Variants in MAST4 observed in about 807,000 individuals in gnomAD.
The protein encoded by MAST4 is microtubule-associated serine/threonine-protein kinase 4.
Under a neutral mutation model 162.7 loss-of-function variants are expected in MAST4, and 89 were observed. The ratio of observed to expected loss-of-function variants is 0.55; its 90% CI spans 0.46 to 0.65. MAST4 has a LOEUF of 0.65. MAST4 is among the 30% of genes least tolerant of loss of function. The pLI is 0.00. For missense variants in MAST4, 3,153 were observed against 3,374.0 expected (o/e 0.93, Z 1.62); for synonymous variants, 1,479 against 1,361.1 (o/e 1.09, Z -1.91).
chr5:66,700,340 C>A (rs1052455352), intron 1 of MAST4, among the ~76,000 whole-genome samples: 1 of 151,428 alleles, frequency 6.6e-6, no homozygotes, highest in Non-Finnish European at 1.5e-5. Context: ...TGTTCTCGCT[C>A]TTTTTTTTTG....
At chr5:66,769,400 A>C (rs1754260476) in intron 2 of MAST4, among the ~76,000 whole-genome samples, 1 of 152,122 alleles carries the variant, frequency 6.6e-6, no homozygotes, top group South Asian at 2.1e-4. Flanking sequence ...ACTGAGTTTG[A>C]CTTAACCAGC....
In MAST4 at chr5:66,893,830, C is replaced by A. The variant is rs181488536; in HGVS notation, c.643-6121C>A. Among the ~76,000 whole-genome samples the A allele has an allele frequency of 2.3e-4, 35 of 152,204 alleles. No homozygotes were observed. In the East Asian group the frequency reaches 4.4e-3, roughly 19 times the overall value. ...TTTCAATTGTTGTTAGAATGTAGAC[C>A]ATTTTTGCCTTCTGATGATTTACAG... On this transcript the variant is annotated intron_variant, in intron 3 of 28. Transcript: ENST00000403625.
intron 1 of MAST4, among the ~76,000 whole-genome samples, chr5:66,619,928 A>G (rs78785561): frequency 0.11 from 16,334 of 151,484 alleles, 1,075 homozygotes; most frequent in Middle Eastern, 0.16. Context: ...AAATATATAT[A>G]AAATATCAGA....
intron 1 of MAST4, among the ~76,000 whole-genome samples, chr5:66,617,748 C>T (rs17268691): frequency 0.11 from 16,847 of 152,132 alleles, 1,131 homozygotes; most frequent in Middle Eastern, 0.18. Flanking sequence ...TCCACCCCTC[C>T]GCATGGTACC....
At chr5:66,690,687 T>C (rs10062987) in intron 1 of MAST4, among the ~76,000 whole-genome samples, 30,739 of 152,130 alleles carry the variant, frequency 0.2, 3,575 homozygotes, top group Admixed American at 0.31. Context: ...ACTTCTTATC[T>C]AGCACTGTTG....
At position 67,093,922 on chromosome 5, in the gene MAST4, T is replaced by A. The variant is rs557518356; in HGVS notation, c.834-1675T>A. On this transcript the variant is annotated intron_variant, in intron 6 of 28. Transcript: ENST00000403625. ...CAGGTATGGATTCTTAACTGTTTAA[T>A]AAGTAGCCAAATAAAATAATATCAA... 3.3e-5 allele frequency among the ~76,000 whole-genome samples: 5 copies of A among 152,336 alleles called. No individual in the cohort carries two copies. In the East Asian group the frequency reaches 9.6e-4, roughly 29 times the overall value.
chr5:66,666,172 A>C (rs1341023655), intron 1 of MAST4, among the ~76,000 whole-genome samples: 1 of 152,196 alleles, frequency 6.6e-6, no homozygotes, highest in Non-Finnish European at 1.5e-5. Context: ...TTAGTCTTAC[A>C]TTTGCCAAGA....
At chr5:66,886,707 AAAG>A (rs1468188348) in intron 3 of MAST4, among the ~76,000 whole-genome samples, 3 of 149,398 alleles carry the variant, frequency 2.0e-5, no homozygotes, top group East Asian at 1.9e-4. Context: ...TTATTTTTCA[AAAG>A]AAGAACTTGG....
intron 4 of MAST4, among the ~76,000 whole-genome samples, chr5:66,951,909 G>A (rs1580991498): frequency 6.6e-6 from 1 of 151,950 alleles, no homozygotes; most frequent in Non-Finnish European, 1.5e-5. Flanking sequence ...CAAGCTGGAC[G>A]GTGTGCTATC....
At chr5:66,843,128 C>G (rs1580615902) in intron 3 of MAST4, among the ~76,000 whole-genome samples, 1 of 152,118 alleles carries the variant, frequency 6.6e-6, no homozygotes, top group Non-Finnish European at 1.5e-5. Context: ...TTCAAAACCT[C>G]TTTTATATTG....
At chr5:66,657,789 G>A (rs1263865878) in intron 1 of MAST4, among the ~76,000 whole-genome samples, 1 of 152,114 alleles carries the variant, frequency 6.6e-6, no homozygotes, top group Admixed American at 6.5e-5. Context: ...GTTACTGATG[G>A]TTGTACAGGT....
intron 2 of MAST4, among the ~76,000 whole-genome samples, chr5:66,777,409 G>A (rs1199961174): frequency 6.6e-6 from 1 of 152,196 alleles, no homozygotes; most frequent in Non-Finnish European, 1.5e-5. Flanking sequence ...CACCTCGTAA[G>A]ATTGGTATCA....
intron 2 of MAST4, among the ~76,000 whole-genome samples, chr5:66,788,458 G>A (rs1373134591): frequency 6.6e-6 from 1 of 152,202 alleles, no homozygotes; most frequent in Non-Finnish European, 1.5e-5. Flanking sequence ...TGCAGGAGAT[G>A]ATGTTGGAGG....
intron 4 of MAST4, among the ~76,000 whole-genome samples, chr5:66,915,909 A>G (rs1764088388): frequency 6.6e-6 from 1 of 152,182 alleles, no homozygotes; most frequent in South Asian, 2.1e-4. Context: ...CGATTGGACC[A>G]TTTTAAATTA....
At chr5:66,941,739 A>G (rs1056888363) in intron 4 of MAST4, among the ~76,000 whole-genome samples, 4 of 152,152 alleles carry the variant, frequency 2.6e-5, no homozygotes, top group Non-Finnish European at 5.9e-5. Context: ...GACATTCCTC[A>G]TGAAACATAA....
chr5:66,957,824 A>C (rs1255135019), intron 4 of MAST4, among the ~76,000 whole-genome samples: 1 of 152,234 alleles, frequency 6.6e-6, no homozygotes, highest in African/African-American at 2.4e-5. Flanking sequence ...GAGTGGAAGC[A>C]GCCCAGAGCC....
chr5:66,687,265 G>A (rs1441746305), intron 1 of MAST4, among the ~76,000 whole-genome samples: 1 of 152,000 alleles, frequency 6.6e-6, no homozygotes, highest in African/African-American at 2.4e-5. Flanking sequence ...CACACTGTCT[G>A]TCATTGCCAT....
chr5:66,652,944 T>A (rs1167912728), intron 1 of MAST4, among the ~76,000 whole-genome samples: 3 of 152,220 alleles, frequency 2.0e-5, no homozygotes, highest in Non-Finnish European at 4.4e-5. Flanking sequence ...ACCTTGTTAA[T>A]GTGTATGTCA....
At chr5:67,108,689 T>C (rs1294905540) in intron 10 of MAST4, among the ~76,000 whole-genome samples, 1 of 152,140 alleles carries the variant, frequency 6.6e-6, no homozygotes, top group Non-Finnish European at 1.5e-5. Context: ...TTTGCCTGTA[T>C]ATGGTTTTTG....
Sources: gnomAD v4.1 joint callset for allele counts (sites outside exome capture counted in the v4.1 genomes callset) on GRCh38, gnomAD v4.1.1 for gene constraint, MANE v1.5 for transcripts, NCBI Gene and HGNC (gene_info 2026-07-23, HGNC 2026-07-21) for gene names.